The following USH2A variants were observed in gnomAD, a reference collection of about 807,000 sequenced individuals.
USH2A encodes the protein usherin, also known as Usher syndrome 2A (autosomal recessive, mild).
USH2A carries 443 observed loss-of-function variants against 538.9 expected under a neutral mutation model. That is an observed-to-expected ratio of 0.82 (90% CI 0.76 to 0.89). USH2A has a LOEUF of 0.89. Among genes scored for constraint, USH2A ranks in the 40% least tolerant of loss-of-function variants. The probability of loss-of-function intolerance (pLI) is 0.00; values close to 1 mark genes in which losing one functional copy is unlikely to be tolerated. For synonymous variants in USH2A, 2,413 were observed against 2,273.5 expected, an observed-to-expected ratio of 1.06 and a Z score of -1.75; for missense variants, 6,633 against 6,324.8, an observed-to-expected ratio of 1.05 and a Z score of -1.65.
intron 4 of USH2A, among the ~76,000 whole-genome samples, chr1:216,356,895 C>T (rs889829332): frequency 7.2e-5 from 11 of 152,086 alleles, no homozygotes; most frequent in African/African-American, 2.7e-4. Flanking sequence ...CAGGTTACCC[C>T]AAACTATTTC....
rs748383863 is a variant in USH2A at position 215,674,360 on chromosome 1, AC to A, written c.13550del (p.Gly4517ValfsTer3). ...GATCTTTGACAAGAGGACTCAAAAT[AC>A]CCCCTTGGCTGTTGCTGGCAGTTAC... is the stretch of plus-strand genomic sequence containing the variant. Reference protein sequence around the residue: ...YTVTASNSQGGILSPLVKDRT... With the variant: ...YTVTASNSQGXILSPLVKDRT... On this transcript the variant is annotated frameshift_variant, in exon 63 of 72. Transcript: ENST00000307340. LOFTEE classifies it high-confidence loss of function. 1.9e-6 allele frequency: 3 copies of A among 1,613,834 alleles called. No individual in the cohort carries two copies. Among genetic ancestry groups the A allele is most frequent in the Non-Finnish European group, 2.5e-6 (3 of 1,179,878 alleles).
intron 70 of USH2A, among the ~76,000 whole-genome samples, chr1:215,633,586 G>T (rs1337964658): frequency 1.3e-5 from 2 of 152,128 alleles, no homozygotes; most frequent in African/African-American, 2.4e-5. Flanking sequence ...GCTTGACCAG[G>T]CTTCTGTGCT....
intron 29 of USH2A, among the ~76,000 whole-genome samples, 183 bp from the exon 30 acceptor site, chr1:216,070,475 A>G (rs2031522749): frequency 6.6e-6 from 1 of 152,172 alleles, no homozygotes; most frequent in South Asian, 2.1e-4. Context: ...ATTCAGTTTA[A>G]GCGATATTTC....
intron 64 of USH2A, among the ~76,000 whole-genome samples, chr1:215,654,594 G>A (rs936654234): frequency 6.6e-6 from 1 of 152,144 alleles, no homozygotes; most frequent in Non-Finnish European, 1.5e-5. Flanking sequence ...CTGACTTGTT[G>A]ATTTATTTCT....
rs79651367 is a variant in USH2A at position 215,722,843 on chromosome 1, C to A, written c.12066+5187G>T. Among the ~76,000 whole-genome samples, 584 of 152,276 alleles carry A rather than the reference C, an allele frequency of 3.8e-3. 8 individuals carry two copies. Among genetic ancestry groups the A allele is most frequent in the African/African-American group, 0.013 (551 of 41,544 alleles). ...GGAACAAGCAAGGATATAGTTAGGG[C>A]ACAGATAATAGGTAAACCACCTTTT... On this transcript the variant is annotated intron_variant, in intron 61 of 71. Coordinates refer to ENST00000307340, the MANE Select transcript of USH2A (RefSeq NM_206933.4).
At chr1:216,249,965 T>C (rs1000479634) in intron 12 of USH2A, among the ~76,000 whole-genome samples, 28 of 152,072 alleles carry the variant, frequency 1.8e-4, no homozygotes, top group Non-Finnish European at 4.0e-4. Context: ...AGAAAAACCA[T>C]GGATGACTTG....
intron 32 of USH2A, 40 bp downstream of exon 32, chr1:216,046,391 A>G: frequency 6.2e-7 from 1 of 1,611,554 alleles, no homozygotes; most frequent in Non-Finnish European, 8.5e-7. Flanking sequence ...ATATTTGAAT[A>G]TAGACTATAA....
chr1:216,078,421 G>A, intron 26 of USH2A, 59 bp from the exon 27 acceptor site: 3 of 1,520,370 alleles, frequency 2.0e-6, no homozygotes, highest in Non-Finnish European at 2.7e-6. Flanking sequence ...AGGGCAGTTT[G>A]GGAGAGAGCA....
intron 21 of USH2A, among the ~76,000 whole-genome samples, chr1:216,131,078 T>C (rs2033367177): frequency 1.3e-5 from 2 of 152,106 alleles, no homozygotes; most frequent in South Asian, 4.1e-4. Context: ...AGCATGTTTT[T>C]AATATGTCTG....
In USH2A at chr1:215,728,321, A is replaced by C. The variant is rs1446135872; in HGVS notation, c.11775T>G (p.Phe3925Leu). Residue 3925 changes from phenylalanine to leucine, a missense_variant, in exon 61 of 72, where the codon TTT becomes TTG. Phe to Leu is a conservative substitution (Grantham distance 22, BLOSUM62 0). Transcript: ENST00000307340. Reference protein sequence around the residue: ...LFVWSEGALEFMDEGDTLRPF... With the variant: ...LFVWSEGALELMDEGDTLRPF... ...GCCTCAGGGTGTCTCCTTCATCCAT[A>C]AATTCAAGGGCTCCTTCTGACCAGA... The C allele has an allele frequency of 6.2e-7, 1 of 1,614,058 alleles. No homozygotes were observed. The highest frequency in any genetic ancestry group is 1.3e-5 in the African/African-American group (1 of 74,918).
intron 38 of USH2A, among the ~76,000 whole-genome samples, chr1:215,931,387 A>G (rs1274002028): frequency 6.6e-6 from 1 of 151,946 alleles, no homozygotes; most frequent in Non-Finnish European, 1.5e-5. Context: ...CCAAATTACT[A>G]TCTAAACTAA....
chr1:216,132,485 C>T (rs557512074), intron 21 of USH2A, among the ~76,000 whole-genome samples: 1 of 152,204 alleles, frequency 6.6e-6, no homozygotes, highest in East Asian at 1.9e-4. Context: ...AGAGCCAGCC[C>T]TAGGCCAGCC....
chr1:216,221,262 GTTTTC>G (rs1322541632), intron 14 of USH2A, among the ~76,000 whole-genome samples: 1 of 152,138 alleles, frequency 6.6e-6, no homozygotes, highest in Non-Finnish European at 1.5e-5. Flanking sequence ...GGAATGGACA[GTTTTC>G]TTTAAGAGCT....
chr1:216,179,274 G>C (rs1262310219), intron 20 of USH2A, among the ~76,000 whole-genome samples: 1 of 151,886 alleles, frequency 6.6e-6, no homozygotes, highest in Non-Finnish European at 1.5e-5. Flanking sequence ...TGTCGTTTTT[G>C]TGTAATAATT....
intron 14 of USH2A, among the ~76,000 whole-genome samples, chr1:216,230,898 T>TCACA (rs71161408): frequency 2.7e-5 from 4 of 146,952 alleles, no homozygotes; most frequent in African/African-American, 7.6e-5. Context: ...TCTCTCTCTC[T>TCACA]CACACACACA....
Position 215,634,466 on chromosome 1 carries a change from T to C in USH2A, c.15290A>G (p.Asn5097Ser), listed in dbSNP as rs750522651. Residue 5097 changes from asparagine (N) to serine (S), a missense_variant, in exon 70 of 72, where the codon AAC becomes AGC. Physicochemically the swap from Asn to Ser is conservative, Grantham distance 46. Coordinates refer to ENST00000307340, the MANE Select transcript of USH2A (RefSeq NM_206933.4). ...ACACCTCTACAAACATACCATATGG[T>C]TTTCCCCCGGTGGGTAAACATTCAA... is the stretch of plus-strand genomic sequence containing the variant. ...SPLNVYPPGENHMGLADTKIP... is the reference protein window; with the variant it reads ...SPLNVYPPGESHMGLADTKIP... 21 of 1,614,066 alleles carry C rather than the reference T, an allele frequency of 1.3e-5. No homozygotes were observed. The African/African-American group carries it at 1.9e-4, about 14-fold the overall frequency.
At chr1:215,837,886 T>C in intron 47 of USH2A, 105 bp downstream of exon 47, 1 of 922,566 alleles carries the variant, frequency 1.1e-6, no homozygotes, top group South Asian at 1.3e-5. Context: ...ATACTTATAA[T>C]AACCCATTAA....
At chr1:215,667,465 G>A (rs570553416) in intron 64 of USH2A, among the ~76,000 whole-genome samples, 5 of 152,198 alleles carry the variant, frequency 3.3e-5, no homozygotes, top group East Asian at 1.9e-4. Flanking sequence ...TTAGGAGGCC[G>A]AGGTGGGTGG....
At chr1:216,086,043 G>A (rs1223606856) in intron 24 of USH2A, among the ~76,000 whole-genome samples, 1 of 151,908 alleles carries the variant, frequency 6.6e-6, no homozygotes, top group African/African-American at 2.4e-5. Flanking sequence ...ATGAGGACTT[G>A]GGAAACAATC....
Sources: gnomAD v4.1 joint callset for allele counts (sites outside exome capture counted in the v4.1 genomes callset) on GRCh38, gnomAD v4.1.1 for gene constraint, MANE v1.5 for transcripts, NCBI Gene and HGNC (gene_info 2026-07-23, HGNC 2026-07-21) for gene names.